The following ABCC4 variants were observed in gnomAD, a reference collection of about 807,000 sequenced individuals.
ABCC4 encodes the protein ATP-binding cassette sub-family C member 4.
Under a neutral mutation model 168.5 loss-of-function variants are expected in ABCC4, and 102 were observed. The ratio of observed to expected loss-of-function variants is 0.61; its 90% CI spans 0.52 to 0.71. The LOEUF (loss-of-function observed/expected upper bound fraction) is 0.71, where lower values mean the gene tolerates loss of function less well. Among genes scored for constraint, ABCC4 ranks in the 30% least tolerant of loss-of-function variants. The pLI is 0.00. For missense variants in ABCC4, 1,402 were observed against 1,605.8 expected (o/e 0.87, Z 2.17); for synonymous variants, 617 against 590.7 (o/e 1.04, Z -0.65).
At chr13:95,105,767 G>A (rs1015082607) in intron 20 of ABCC4, among the ~76,000 whole-genome samples, 1 of 152,156 alleles carries the variant, frequency 6.6e-6, no homozygotes, top group South Asian at 2.1e-4. Context: ...AGCATAGCTT[G>A]GAATGGAGTG....
intron 24 of ABCC4, among the ~76,000 whole-genome samples, chr13:95,072,264 C>T (rs2033755358): frequency 6.6e-6 from 1 of 152,158 alleles, no homozygotes; most frequent in South Asian, 2.1e-4. Context: ...TGTTTGACAC[C>T]AGCCTGGTCA....
chr13:95,117,896 T>C (rs972994298), intron 19 of ABCC4, among the ~76,000 whole-genome samples: 2 of 150,892 alleles, frequency 1.3e-5, no homozygotes, highest in East Asian at 1.9e-4. Flanking sequence ...CTGAGCAACA[T>C]AGCGAGACCT....
chr13:95,286,004 C>G (rs1276161946), intron 1 of ABCC4, among the ~76,000 whole-genome samples: 1 of 151,958 alleles, frequency 6.6e-6, no homozygotes, highest in East Asian at 1.9e-4. Flanking sequence ...ACTGAGGACG[C>G]AAGCCTTAGT....
At chr13:95,167,804 G>T (rs1039582845) in intron 14 of ABCC4, among the ~76,000 whole-genome samples, 7 of 152,136 alleles carry the variant, frequency 4.6e-5, no homozygotes, top group African/African-American at 1.7e-4. Flanking sequence ...GTTAGGGAAG[G>T]GGCTGGGTCG....
chr13:95,193,167 T>C (rs1407591664), intron 9 of ABCC4, among the ~76,000 whole-genome samples: 1 of 152,170 alleles, frequency 6.6e-6, no homozygotes, highest in Non-Finnish European at 1.5e-5. Context: ...TCTAGAGAGT[T>C]TTGACATTTG....
chr13:95,087,500 A>ATG (rs2034296544), intron 20 of ABCC4, among the ~76,000 whole-genome samples: 1 of 152,204 alleles, frequency 6.6e-6, no homozygotes, highest in Non-Finnish European at 1.5e-5. Flanking sequence ...AAAAAAATAA[A>ATG]ACCTACTTCT....
intron 19 of ABCC4, among the ~76,000 whole-genome samples, chr13:95,123,544 T>C (rs939486822): frequency 1.3e-5 from 2 of 152,124 alleles, no homozygotes; most frequent in Admixed American, 1.3e-4. Context: ...GTATTTTTAG[T>C]AGAGACGGGG....
At chr13:95,058,594 A>AAG (rs1360993825) in intron 26 of ABCC4, among the ~76,000 whole-genome samples, 175 of 41,212 alleles carry the variant, frequency 4.2e-3, no homozygotes, top group Non-Finnish European at 5.2e-3. Flanking sequence ...AAAAAAAAAG[A>AAG]AAAGAAAAAG....
chr13:95,035,240 AG>A (rs1016532214), intron 29 of ABCC4, among the ~76,000 whole-genome samples: 1 of 152,246 alleles, frequency 6.6e-6, no homozygotes, highest in Admixed American at 6.5e-5. Flanking sequence ...ATGGAAAAGA[AG>A]TAAATGCTTC....
At chr13:95,189,288 T>C (rs1193710074) in intron 9 of ABCC4, among the ~76,000 whole-genome samples, 5 of 150,794 alleles carry the variant, frequency 3.3e-5, no homozygotes, top group African/African-American at 4.9e-5. Flanking sequence ...CGCCTGCCAC[T>C]GCGCCCAGCT....
At chr13:95,280,933 A>G (rs2041104948) in intron 1 of ABCC4, among the ~76,000 whole-genome samples, 1 of 152,168 alleles carries the variant, frequency 6.6e-6, no homozygotes, top group South Asian at 2.1e-4. Flanking sequence ...TATTTTAAGG[A>G]AAAACAAGGA....
chr13:95,242,288 C>T (rs557696584), intron 3 of ABCC4, among the ~76,000 whole-genome samples: 151 of 148,910 alleles, frequency 1.0e-3, no homozygotes, highest in Middle Eastern at 3.6e-3. Context: ...AGTGCAGTGG[C>T]GTGATCTCAG....
intron 20 of ABCC4, among the ~76,000 whole-genome samples, chr13:95,114,281 C>G (rs577952238): frequency 8.5e-5 from 13 of 152,326 alleles, no homozygotes; most frequent in African/African-American, 3.1e-4. Flanking sequence ...ATCCATCCCT[C>G]TCCCTCCATA....
intron 1 of ABCC4, among the ~76,000 whole-genome samples, chr13:95,260,061 T>C (rs2040493580): frequency 6.6e-6 from 1 of 152,184 alleles, no homozygotes. Context: ...TCCAGGTCTA[T>C]GAATCAGGAA....
intron 25 of ABCC4, among the ~76,000 whole-genome samples, chr13:95,065,164 T>A (rs781711428): frequency 6.6e-5 from 10 of 152,144 alleles, no homozygotes; most frequent in Non-Finnish European, 1.0e-4. Flanking sequence ...AAAACACCCA[T>A]CTCCCAGGTT....
intron 8 of ABCC4, among the ~76,000 whole-genome samples, chr13:95,201,484 T>C (rs1027058209): frequency 1.3e-5 from 2 of 152,158 alleles, no homozygotes; most frequent in African/African-American, 4.8e-5. Context: ...AAGCTGGAGG[T>C]TGACTTCACT....
chr13:95,125,830 G>GA (rs958862677), intron 19 of ABCC4, among the ~76,000 whole-genome samples: 5 of 152,176 alleles, frequency 3.3e-5, no homozygotes, highest in African/African-American at 1.2e-4. Context: ...TAGGAAGACA[G>GA]ACCAGGCCAT....
intron 24 of ABCC4, 126 bp from the exon 25 acceptor site, chr13:95,071,979 G>A (rs963623091): frequency 1.3e-5 from 9 of 689,510 alleles, no homozygotes; most frequent in South Asian, 8.9e-5. Context: ...GGAGACAGAC[G>A]AGGATGTTGA....
At chr13:95,131,794 A>G (rs1310171713) in intron 19 of ABCC4, among the ~76,000 whole-genome samples, 1 of 152,138 alleles carries the variant, frequency 6.6e-6, no homozygotes, top group East Asian at 1.9e-4. Context: ...AAACCAGAAA[A>G]TACCAAGTGT....
Sources: gnomAD v4.1 joint callset for allele counts (sites outside exome capture counted in the v4.1 genomes callset) on GRCh38, gnomAD v4.1.1 for gene constraint, MANE v1.5 for transcripts, NCBI Gene and HGNC (gene_info 2026-07-23, HGNC 2026-07-21) for gene names.